ERC2: variants seen among roughly 807,000 people sequenced by gnomAD.
The protein encoded by ERC2 is ELKS/RAB6-interacting/CAST family member 2.
Under a neutral mutation model 114.8 loss-of-function variants are expected in ERC2, and 42 were observed. The observed-to-expected ratio is 0.37, with a 90% confidence interval of 0.29 to 0.47. The LOEUF (loss-of-function observed/expected upper bound fraction) is 0.47. Ranked by LOEUF, ERC2 falls within the 20% of genes least tolerant of loss-of-function variation. The pLI is 0.99. For synonymous variants in ERC2, 454 were observed against 425.5 expected (o/e 1.07, Z -0.82); for missense variants, 939 against 1,150.7 (o/e 0.82, Z 2.66).
intron 7 of ERC2, among the ~76,000 whole-genome samples, chr3:56,028,243 C>T (rs1330939495): frequency 1.3e-5 from 2 of 152,146 alleles, no homozygotes; most frequent in Middle Eastern, 3.4e-3. Flanking sequence ...AATCTTTTAA[C>T]CTTATTCTTT....
At chr3:56,208,231 A>G (rs891473213) in intron 3 of ERC2, among the ~76,000 whole-genome samples, 8 of 152,206 alleles carry the variant, frequency 5.3e-5, no homozygotes, top group African/African-American at 1.9e-4. Context: ...AAGATGTCAT[A>G]GGGCTGCCAC....
chr3:56,101,833 A>G (rs1201642058), intron 6 of ERC2, among the ~76,000 whole-genome samples: 1 of 152,174 alleles, frequency 6.6e-6, no homozygotes, highest in African/African-American at 2.4e-5. Context: ...GCCTCAGAGG[A>G]GAATGTCAAG....
chr3:56,289,931 G>C lies in ERC2; in HGVS notation c.1074+6088C>G, dbSNP rs965896954. ...CAATTACTTACCTCACTCTGCCTCTGTTTCCCTATCTGTGTAATACACATG... is the reference window on the plus strand; with the variant it reads ...CAATTACTTACCTCACTCTGCCTCTCTTTCCCTATCTGTGTAATACACATG... On this transcript the variant is annotated intron_variant, in intron 3 of 17. Coordinates refer to ENST00000288221, the MANE Select transcript of ERC2 (RefSeq NM_015576.3). Among the ~76,000 whole-genome samples the C allele has an allele frequency of 1.4e-4, 21 of 152,152 alleles. 1 individual carries two copies. Among genetic ancestry groups the C allele is most frequent in the Admixed American group, 1.4e-3 (21 of 15,270 alleles).
At chr3:56,357,305 A>T (rs1477404182) in intron 2 of ERC2, among the ~76,000 whole-genome samples, 1 of 152,180 alleles carries the variant, frequency 6.6e-6, no homozygotes, top group South Asian at 2.1e-4. Context: ...ACCTCACAAC[A>T]ATCCTTACAC....
chr3:56,260,070 CCA>C lies in ERC2; in HGVS notation c.1074+35947_1074+35948del, dbSNP rs955886498. ...TGTTGCTAACTAGAGTTTCTTGCAA[CCA>C]CAGAGTCTGAACTTTTCATACACTG... On this transcript the variant is annotated intron_variant, in intron 3 of 17. Coordinates refer to ENST00000288221, the MANE Select transcript of ERC2 (RefSeq NM_015576.3). 3.9e-5 allele frequency among the ~76,000 whole-genome samples: 6 copies of C among 152,322 alleles called. 1 individual carries two copies. The highest frequency in any genetic ancestry group is 1.2e-4 in the African/African-American group (5 of 41,564).
At chr3:55,613,858 C>T (rs531661788) in intron 17 of ERC2, among the ~76,000 whole-genome samples, 1 of 151,666 alleles carries the variant, frequency 6.6e-6, no homozygotes, top group South Asian at 2.1e-4. Flanking sequence ...TGGTGGGCAA[C>T]GTAATCCCAG....
intron 3 of ERC2, among the ~76,000 whole-genome samples, chr3:56,280,009 GAGA>G (rs2054244592): frequency 6.6e-6 from 1 of 152,204 alleles, no homozygotes; most frequent in Non-Finnish European, 1.5e-5. Flanking sequence ...ATTTTAAAAT[GAGA>G]AGATTATATT....
chr3:55,873,912 C>G (rs1296841597), intron 14 of ERC2, among the ~76,000 whole-genome samples: 1 of 152,200 alleles, frequency 6.6e-6, no homozygotes, highest in Non-Finnish European at 1.5e-5. Flanking sequence ...CATCCTTTGA[C>G]TGGACATTAG....
intron 17 of ERC2, among the ~76,000 whole-genome samples, chr3:55,666,964 T>C (rs2061379989): frequency 2.6e-5 from 4 of 152,202 alleles, no homozygotes; most frequent in Admixed American, 2.6e-4. Context: ...TAACGAATAA[T>C]AGCACATACC....
chr3:55,706,573 T>A (rs1167817781), intron 15 of ERC2, among the ~76,000 whole-genome samples: 1 of 151,916 alleles, frequency 6.6e-6, no homozygotes, highest in African/African-American at 2.4e-5. Context: ...TTTTATTTTA[T>A]TTTATTTTTT....
At chr3:55,904,063 T>G (rs1161203032) in intron 13 of ERC2, among the ~76,000 whole-genome samples, 1 of 152,178 alleles carries the variant, frequency 6.6e-6, no homozygotes, top group Non-Finnish European at 1.5e-5. Context: ...GTTTAAAAAT[T>G]CAGGTTCTAA....
chr3:55,631,857 A>C (rs1559771035), intron 17 of ERC2, among the ~76,000 whole-genome samples: 1 of 152,228 alleles, frequency 6.6e-6, no homozygotes, highest in Non-Finnish European at 1.5e-5. Flanking sequence ...CCATGTATCT[A>C]TTCTATCAGC....
At chr3:55,936,610 C>T (rs2149414301) in intron 13 of ERC2, among the ~76,000 whole-genome samples, 1 of 152,308 alleles carries the variant, frequency 6.6e-6, no homozygotes, top group African/African-American at 2.4e-5. Flanking sequence ...AACTCACACA[C>T]ATACCTGAAG....
chr3:55,963,618 T>A (rs2068543770), intron 12 of ERC2, among the ~76,000 whole-genome samples: 1 of 152,210 alleles, frequency 6.6e-6, no homozygotes, highest in Admixed American at 6.5e-5. Context: ...AAAAATGGAA[T>A]CTGAACACTT....
rs962894477 is a variant in ERC2 at position 55,510,115 on chromosome 3, G to T, written c.*1201C>A. 5 of 152,468 alleles carry T rather than the reference G, an allele frequency of 3.3e-5. No homozygotes were observed. The highest frequency in any genetic ancestry group is 1.2e-4 in the African/African-American group (5 of 41,390). The allele number at this position is 152,468 out of a possible 1,614,324, so 9.4% of individuals were successfully genotyped here. On this transcript the variant is annotated 3_prime_UTR_variant, in exon 18 of 18. Transcript: ENST00000288221. The stretch of plus-strand genomic sequence containing the variant: ...ACCTCAAAATTTGGTCTTTTTCCCT[G>T]GCATGTGCTTTAAATAATGACTGTA...
At chr3:56,300,735 T>A (rs546871430) in intron 2 of ERC2, among the ~76,000 whole-genome samples, 1 of 152,164 alleles carries the variant, frequency 6.6e-6, no homozygotes, top group Non-Finnish European at 1.5e-5. Flanking sequence ...AAAAAGTACT[T>A]AAGTAACCTG....
At chr3:55,715,944 C>T (rs2064095960) in intron 15 of ERC2, among the ~76,000 whole-genome samples, 1 of 152,156 alleles carries the variant, frequency 6.6e-6, no homozygotes, top group African/African-American at 2.4e-5. Context: ...CAAATCATAA[C>T]CTACTAACCA....
At chr3:56,116,548 T>G (rs2079246957) in intron 6 of ERC2, among the ~76,000 whole-genome samples, 1 of 152,188 alleles carries the variant, frequency 6.6e-6, no homozygotes, top group Admixed American at 6.5e-5. Context: ...AATATTTTAT[T>G]CAATATTCAT....
chr3:56,293,400 T>C (rs2055218210), intron 3 of ERC2, among the ~76,000 whole-genome samples: 1 of 152,296 alleles, frequency 6.6e-6, no homozygotes, highest in Non-Finnish European at 1.5e-5. Context: ...GGGAAGGTAG[T>C]CCCTAAGAGT....
Sources: allele counts gnomAD v4.1 joint callset (sites outside exome capture counted in the v4.1 genomes callset), GRCh38; gene constraint gnomAD v4.1.1; transcripts MANE v1.5; gene names NCBI Gene and HGNC (gene_info 2026-07-23, HGNC 2026-07-21).